The following EPHA6 variants were observed in gnomAD, a reference collection of about 807,000 sequenced individuals.
EPHA6 encodes ephrin type-A receptor 6.
EPHA6 carries 50 observed loss-of-function variants against 112.0 expected under a neutral mutation model. The ratio of observed to expected loss-of-function variants is 0.45; its 90% CI spans 0.36 to 0.56. The LOEUF (loss-of-function observed/expected upper bound fraction) is 0.56, where lower values mean the gene tolerates loss of function less well. EPHA6 is among the 20% of genes least tolerant of loss of function. EPHA6 has a pLI of 0.00. For missense variants in EPHA6, 1,280 were observed against 1,417.4 expected, an observed-to-expected ratio of 0.90 and a Z score of 1.56; for synonymous variants, 529 against 490.7, an observed-to-expected ratio of 1.08 and a Z score of -1.03.
At chr3:97,261,993 T>A (rs1049655565) in intron 5 of EPHA6, among the ~76,000 whole-genome samples, 10 of 152,196 alleles carry the variant, frequency 6.6e-5, no homozygotes, top group Admixed American at 6.5e-4. Flanking sequence ...GAGCCACAGT[T>A]CTTAGTTATA....
At chr3:97,121,254 A>G (rs2108303144) in intron 3 of EPHA6, among the ~76,000 whole-genome samples, 1 of 152,150 alleles carries the variant, frequency 6.6e-6, no homozygotes, top group Middle Eastern at 3.4e-3. Context: ...AAAATTTACG[A>G]ATGCCCATTC....
chr3:97,403,634 G>T (rs1162839759), intron 5 of EPHA6, among the ~76,000 whole-genome samples: 1 of 152,308 alleles, frequency 6.6e-6, no homozygotes, highest in South Asian at 2.1e-4. Context: ...TTTTAGTAGA[G>T]ACGGGGTTTC....
intron 1 of EPHA6, among the ~76,000 whole-genome samples, chr3:96,846,160 T>G (rs1347564306): frequency 6.6e-6 from 1 of 152,068 alleles, no homozygotes; most frequent in African/African-American, 2.4e-5. Context: ...AAATTTTGCT[T>G]CTTTTCTGTA....
At chr3:97,407,743 C>G (rs1306705967) in intron 6 of EPHA6, among the ~76,000 whole-genome samples, 1 of 151,184 alleles carries the variant, frequency 6.6e-6, no homozygotes, top group Non-Finnish European at 1.5e-5. Context: ...TTTTTTTATT[C>G]ACTTACTAAT....
At chr3:96,841,122 T>C (rs929813979) in intron 1 of EPHA6, among the ~76,000 whole-genome samples, 4 of 152,056 alleles carry the variant, frequency 2.6e-5, no homozygotes, top group African/African-American at 9.7e-5. Context: ...GTGTAAGATG[T>C]ACATTGGCTC....
chr3:97,307,946 T>G (rs2081387661), intron 5 of EPHA6, among the ~76,000 whole-genome samples: 1 of 151,694 alleles, frequency 6.6e-6, no homozygotes, highest in Non-Finnish European at 1.5e-5. Context: ...TTCCAAAATT[T>G]TACTCAAGAT....
At chr3:96,843,439 A>C (rs541660243) in intron 1 of EPHA6, among the ~76,000 whole-genome samples, 1 of 152,202 alleles carries the variant, frequency 6.6e-6, no homozygotes, top group South Asian at 2.1e-4. Flanking sequence ...CTTAAAATAT[A>C]GATTTGGAAC....
chr3:97,216,791 C>T (rs2078047030), intron 3 of EPHA6, among the ~76,000 whole-genome samples: 1 of 152,084 alleles, frequency 6.6e-6, no homozygotes, highest in Non-Finnish European at 1.5e-5. Flanking sequence ...GGTAGTATTA[C>T]ACTGCACTTT....
chr3:97,168,632 T>C (rs1275503803), intron 3 of EPHA6, among the ~76,000 whole-genome samples: 5 of 152,116 alleles, frequency 3.3e-5, no homozygotes, highest in Admixed American at 3.3e-4. Context: ...TCTTTCTCTC[T>C]CCTGCCGGCC....
intron 7 of EPHA6, 23 bp downstream of exon 7, chr3:97,448,753 A>G: frequency 6.2e-7 from 1 of 1,610,846 alleles, no homozygotes; most frequent in South Asian, 1.1e-5. Flanking sequence ...CAAGGATATA[A>G]CATAAGATGT....
chr3:96,883,089 A>G (rs2037419318), intron 2 of EPHA6, among the ~76,000 whole-genome samples: 1 of 151,994 alleles, frequency 6.6e-6, no homozygotes, highest in African/African-American at 2.4e-5. Flanking sequence ...GGCAACATCT[A>G]TTGTTTTTTG....
At chr3:96,876,683 T>G (rs1262612993) in intron 2 of EPHA6, among the ~76,000 whole-genome samples, 3 of 152,084 alleles carry the variant, frequency 2.0e-5, no homozygotes, top group Non-Finnish European at 4.4e-5. Flanking sequence ...AAAAAAGACC[T>G]TTTTGGTAGT....
chr3:96,863,849 C>A (rs114836871), intron 1 of EPHA6, among the ~76,000 whole-genome samples: 2,191 of 152,108 alleles, frequency 0.014, 58 homozygotes, highest in African/African-American at 0.05. Flanking sequence ...ATTTTAGACA[C>A]TTAGCTCTAA....
At chr3:96,943,074 A>G (rs1015652464) in intron 2 of EPHA6, among the ~76,000 whole-genome samples, 4 of 152,106 alleles carry the variant, frequency 2.6e-5, no homozygotes, top group East Asian at 1.9e-4. Context: ...TAGATGCCAC[A>G]TATGTGTGAG....
chr3:97,519,540 T>C (rs922013194), intron 10 of EPHA6, among the ~76,000 whole-genome samples: 1 of 152,196 alleles, frequency 6.6e-6, no homozygotes, highest in African/African-American at 2.4e-5. Flanking sequence ...TTGATAGTAA[T>C]TGCAATAAAT....
At chr3:97,359,475 A>C (rs920401038) in intron 5 of EPHA6, among the ~76,000 whole-genome samples, 2 of 135,374 alleles carry the variant, frequency 1.5e-5, no homozygotes, top group Non-Finnish European at 3.2e-5. Flanking sequence ...AATTCTCTAT[A>C]CTTTCTTTTA....
chr3:96,952,595 A>G (rs1346415106), intron 2 of EPHA6, among the ~76,000 whole-genome samples: 2 of 152,074 alleles, frequency 1.3e-5, no homozygotes, highest in Non-Finnish European at 2.9e-5. Flanking sequence ...AAATAAAGTT[A>G]TTTTCTTATA....
At chr3:97,298,060 G>T (rs771778280) in intron 5 of EPHA6, among the ~76,000 whole-genome samples, 5 of 152,090 alleles carry the variant, frequency 3.3e-5, no homozygotes, top group Admixed American at 1.3e-4. Flanking sequence ...CCGTGCCTGG[G>T]TGGGTTATTA....
intron 5 of EPHA6, among the ~76,000 whole-genome samples, chr3:97,391,329 A>G (rs185423635): frequency 2.0e-5 from 3 of 152,044 alleles, no homozygotes; most frequent in Non-Finnish European, 4.4e-5. Flanking sequence ...AAGCTACTTA[A>G]TGTGTTTGTA....
Sources: allele counts gnomAD v4.1 joint callset (sites outside exome capture counted in the v4.1 genomes callset), GRCh38; gene constraint gnomAD v4.1.1; transcripts MANE v1.5; gene names NCBI Gene and HGNC (gene_info 2026-07-23, HGNC 2026-07-21).